FUCA2: variants seen among roughly 807,000 people sequenced by gnomAD.
The protein encoded by FUCA2 is alpha-L-fucosidase 2, also known as plasma alpha-L-fucosidase.
Under a neutral mutation model 52.6 loss-of-function variants are expected in FUCA2, and 41 were observed. The observed-to-expected ratio is 0.78, with a 90% CI of 0.61 to 1.01. The LOEUF is 1.01. Among genes scored for constraint, FUCA2 ranks in the 50% least tolerant of loss-of-function variants. The probability of loss-of-function intolerance (pLI) is 0.00; values close to 1 mark genes in which losing one functional copy is unlikely to be tolerated. For synonymous variants in FUCA2, 211 were observed against 217.3 expected (o/e 0.97, Z 0.26); for missense variants, 507 against 569.5 (o/e 0.89, Z 1.12).
chr6:143,497,469 C>CTAAT lies in FUCA2; in HGVS notation c.1179_1182dup (p.Val395IlefsTer8). The stretch of plus-strand genomic sequence containing the variant: ...GGCCATTTAAGAAAAATGGCATAGA[C>CTAAT]TAATTTTTCTTTAGGCTTGGATGTG... On this transcript the variant is annotated frameshift_variant, in exon 6 of 7. Coordinates refer to ENST00000002165, the MANE Select transcript of FUCA2 (RefSeq NM_032020.5). LOFTEE classifies it high-confidence loss of function. This position sits in a 1 kb window ranked among gnomAD's most constrained non-coding sequence, Gnocchi z 5.3. 1 of 1,612,932 alleles carries CTAAT rather than the reference C, an allele frequency of 6.2e-7. No homozygotes were observed. Among genetic ancestry groups the CTAAT allele is most frequent in the South Asian group, 1.1e-5 (1 of 91,012 alleles).
chr6:143,499,003 T>G lies in FUCA2; in HGVS notation c.1155-1506A>C, dbSNP rs1348358988. 5.3e-5 allele frequency among the ~76,000 whole-genome samples: 8 copies of G among 152,192 alleles called. No individual in the cohort carries two copies. Among genetic ancestry groups the G allele is most frequent in the Non-Finnish European group, 1.2e-4 (8 of 68,030 alleles). On this transcript the variant is annotated intron_variant, in intron 5 of 6. Transcript: ENST00000002165. The surrounding 1 kb of genome is among the most constrained non-coding windows in gnomAD (Gnocchi z 6.0). ...GGGGAAACTAAGGGCTTCAAGGTTT[T>G]GGGCTTGACAACCACCTAAAGGATG...
At position 143,505,795 on chromosome 6, in the gene FUCA2, G is replaced by A. The variant is rs543836445; in HGVS notation, c.412+1442C>T. ...CTTCATTTGAATATCACCACCATAA[G>A]CTTACACTGCGACGTTCCTTCCTGA... is the stretch of plus-strand genomic sequence containing the variant. On this transcript the variant is annotated intron_variant, in intron 2 of 6. Coordinates refer to ENST00000002165, the MANE Select transcript of FUCA2 (RefSeq NM_032020.5). 2.0e-5 allele frequency: 3 copies of A among 152,216 alleles called. No homozygotes were observed. In the East Asian group the frequency reaches 5.8e-4, roughly 29 times the overall value. The allele number at this position is 152,216 out of a possible 1,614,324, so 9.4% of individuals were successfully genotyped here.
Position 143,499,330 on chromosome 6 carries a change from G to A in FUCA2, c.1155-1833C>T, listed in dbSNP as rs1385049449. On this transcript the variant is annotated intron_variant, in intron 5 of 6. Transcript: ENST00000002165. The surrounding 1 kb of genome is among the most constrained non-coding windows in gnomAD (Gnocchi z 6.0). ...CACTTTGGGAGGCCAAGGCAAGCGGGTCACCTGAGGTCAGGAGTTCGAGAC... is the reference window on the plus strand; with the variant it reads ...CACTTTGGGAGGCCAAGGCAAGCGGATCACCTGAGGTCAGGAGTTCGAGAC... Among the ~76,000 whole-genome samples the A allele has an allele frequency of 6.6e-6, 1 of 152,092 alleles. No individual in the cohort carries two copies. The highest frequency in any genetic ancestry group is 1.5e-5 in the Non-Finnish European group (1 of 67,990).
rs1168502621 is a variant in FUCA2 at position 143,510,361 on chromosome 6, G to C, written c.224+1050C>G. On this transcript the variant is annotated intron_variant, in intron 1 of 6. Transcript: ENST00000002165. The surrounding 1 kb of genome is among the most constrained non-coding windows in gnomAD (Gnocchi z 4.4). ...TTAATGATTCCGTTCTTTTACTTAA[G>C]AATATATTATGTGTCCCAAAGTCCT... Among the ~76,000 whole-genome samples, 1 of 152,060 alleles carries C rather than the reference G, an allele frequency of 6.6e-6. No individual in the cohort carries two copies. The highest frequency in any genetic ancestry group is 1.5e-5 in the Non-Finnish European group (1 of 68,022).
In FUCA2 at chr6:143,504,113, A is replaced by C. The variant is rs115927487; in HGVS notation, c.552T>G (p.Phe184Leu). The C allele has an allele frequency of 2.5e-6, 4 of 1,614,146 alleles. No homozygotes were observed. In the East Asian group the frequency reaches 8.9e-5, roughly 36 times the overall value. The part of the protein sequence containing the change: ...DLRFGLYYSL[F>L]EWFHPLFLED... ...CAAGGAAGAGCGGATGAAACCATTC[A>C]AAAAGGGAATAGTACAGTCCAAAAC... The change falls in exon 3 of 7, where the codon TTT becomes TTG. Residue 184 changes from phenylalanine (F) to leucine (L), a missense_variant. Physicochemically the swap from Phe to Leu is conservative, Grantham distance 22. Transcript: ENST00000002165. The surrounding 1 kb of genome is among the most constrained non-coding windows in gnomAD (Gnocchi z 4.4).
Position 143,503,790 on chromosome 6 carries a change from G to T in FUCA2, c.752+123C>A. 1 of 702,324 alleles carries T rather than the reference G, an allele frequency of 1.4e-6. No individual in the cohort carries two copies. The allele number at this position is 702,324 out of a possible 1,614,324, so 43.5% of individuals were successfully genotyped here. On this transcript the variant is annotated intron_variant, in intron 3 of 6. Coordinates refer to ENST00000002165, the MANE Select transcript of FUCA2 (RefSeq NM_032020.5). The surrounding 1 kb of genome is among the most constrained non-coding windows in gnomAD (Gnocchi z 4.8). The stretch of plus-strand genomic sequence containing the variant: ...ATATCTAATAAGTATTATTTACAAT[G>T]ATTTTCTCCCCCCATACCACCAATG...
Position 143,507,012 on chromosome 6 carries a change from G to A in FUCA2, c.412+225C>T, listed in dbSNP as rs1780617327. On this transcript the variant is annotated intron_variant, in intron 2 of 6. Coordinates refer to ENST00000002165, the MANE Select transcript of FUCA2 (RefSeq NM_032020.5). The surrounding 1 kb of genome is among the most constrained non-coding windows in gnomAD (Gnocchi z 4.5). The stretch of plus-strand genomic sequence containing the variant: ...TTGTTCAAAATACATGTGACAAAAC[G>A]TGACCATCTTTCCTCTGTTACGTGG... 10 of 479,840 alleles carry A rather than the reference G, an allele frequency of 2.1e-5. No individual in the cohort carries two copies. Among genetic ancestry groups the A allele is most frequent in the Non-Finnish European group, 2.2e-5 (6 of 276,818 alleles). The allele number at this position is 479,840 out of a possible 1,614,324, so 29.7% of individuals were successfully genotyped here.
chr6:143,502,451 A>G lies in FUCA2; in HGVS notation c.867T>C (p.His289=), dbSNP rs766633320. 50 of 1,614,110 alleles carry G rather than the reference A, an allele frequency of 3.1e-5. No individual in the cohort carries two copies. Among genetic ancestry groups the G allele is most frequent in the Non-Finnish European group, 4.1e-5 (48 of 1,179,972 alleles). The change falls in exon 4 of 7, where the codon CAT becomes CAC. Residue 289 remains histidine (H), a synonymous_variant. Transcript: ENST00000002165. This position sits in a 1 kb window ranked among gnomAD's most constrained non-coding sequence, Gnocchi z 4.1. ...DRYNPGHLLP[H]KWENCMTIDK... Reference sequence around the variant, plus strand: ...CTATTGTCATGCAGTTTTCCCATTTATGTGGCAAAAGATGTCCTGGGTTAT... The same window carrying G: ...CTATTGTCATGCAGTTTTCCCATTTGTGTGGCAAAAGATGTCCTGGGTTAT...
chr6:143,496,386 T>C (rs1033724452), intron 6 of FUCA2: 1 of 152,266 alleles, frequency 6.6e-6, no homozygotes, highest in African/African-American at 2.4e-5. Context: ...ACAAAGCCCA[T>C]GAGCTTTTAA....
chr6:143,510,704 T>C lies in FUCA2; in HGVS notation c.224+707A>G, dbSNP rs991124794. 6.6e-5 allele frequency among the ~76,000 whole-genome samples: 10 copies of C among 152,000 alleles called. No homozygotes were observed. Among genetic ancestry groups the C allele is most frequent in the Non-Finnish European group, 1.3e-4 (9 of 68,022 alleles). On this transcript the variant is annotated intron_variant, in intron 1 of 6. Coordinates refer to ENST00000002165, the MANE Select transcript of FUCA2 (RefSeq NM_032020.5). The surrounding 1 kb of genome is among the most constrained non-coding windows in gnomAD (Gnocchi z 4.4). ...TATATGCACACAAAATATTTCTGTT[T>C]TGAAGGACTTAATACTTGTAGCATT... is the stretch of plus-strand genomic sequence containing the variant.
rs952961016 is a variant in FUCA2 at position 143,510,444 on chromosome 6, T to C, written c.224+967A>G. 3.3e-4 allele frequency among the ~76,000 whole-genome samples: 50 copies of C among 152,242 alleles called. No individual in the cohort carries two copies. Among genetic ancestry groups the C allele is most frequent in the African/African-American group, 1.2e-3 (48 of 41,550 alleles). On this transcript the variant is annotated intron_variant, in intron 1 of 6. Coordinates refer to ENST00000002165, the MANE Select transcript of FUCA2 (RefSeq NM_032020.5). The surrounding 1 kb of genome is among the most constrained non-coding windows in gnomAD (Gnocchi z 4.4). Reference sequence around the variant, plus strand: ...TGAGGTCAGGAGTTCAAGACCAGCCTGGCTAACATGGCAAAACCCCGTTTC... The same window carrying C: ...TGAGGTCAGGAGTTCAAGACCAGCCCGGCTAACATGGCAAAACCCCGTTTC...
At chr6:143,498,170 C>CAA (rs5880564) in intron 5 of FUCA2, among the ~76,000 whole-genome samples, 109 of 148,304 alleles carry the variant, frequency 7.3e-4, no homozygotes, top group Admixed American at 1.5e-3. Context: ...ATGCTGTGGA[C>CAA]AAAAAAAAAA....
At chr6:143,496,010 T>C (rs1158237307) in intron 6 of FUCA2, among the ~76,000 whole-genome samples, 163 bp from the exon 7 acceptor site, 1 of 152,198 alleles carries the variant, frequency 6.6e-6, no homozygotes, top group South Asian at 2.1e-4. Context: ...CAATTGAGTG[T>C]ATGTATCTTG....
rs10484801 is a variant in FUCA2, at chr6:143,510,734, C to T, written c.224+677G>A. On this transcript the variant is annotated intron_variant, in intron 1 of 6. Coordinates refer to ENST00000002165, the MANE Select transcript of FUCA2 (RefSeq NM_032020.5). This position sits in a 1 kb window ranked among gnomAD's most constrained non-coding sequence, Gnocchi z 4.4. ...GGACTTAATACTTGTAGCATTTAGT[C>T]AGAAAAGACATGTGCAACAGTTTAA... Among the ~76,000 whole-genome samples, 6,002 of 151,970 alleles carry T rather than the reference C, an allele frequency of 0.039. 390 individuals carry two copies. The highest frequency in any genetic ancestry group is 0.14 in the African/African-American group (5,603 of 41,422).
intron 2 of FUCA2, chr6:143,506,187 T>G: frequency 7.1e-6 from 1 of 141,000 alleles, no homozygotes; most frequent in East Asian, 2.1e-4. Flanking sequence ...AAGGCAAAGT[T>G]TCCCGTTTTT....
At position 143,504,278 on chromosome 6, in the gene FUCA2, G is replaced by A. The variant is rs80251319; in HGVS notation, c.413-26C>T. On this transcript the variant is annotated intron_variant, in intron 2 of 6. Coordinates refer to ENST00000002165, the MANE Select transcript of FUCA2 (RefSeq NM_032020.5). The surrounding 1 kb of genome is among the most constrained non-coding windows in gnomAD (Gnocchi z 4.4). ...CTAGAAAATTATAGTGAAAACCCTTGTAAGCATGTCAACTTTATTTTAGTA... is the reference window on the plus strand; with the variant it reads ...CTAGAAAATTATAGTGAAAACCCTTATAAGCATGTCAACTTTATTTTAGTA... The A allele has an allele frequency of 2.6e-6, 4 of 1,567,690 alleles. No individual in the cohort carries two copies. The highest frequency in any genetic ancestry group is 1.2e-5 in the South Asian group (1 of 85,292).
rs1780524365 is a variant in FUCA2 at position 143,501,319 on chromosome 6, C to A, written c.1154+613G>T. On this transcript the variant is annotated intron_variant, in intron 5 of 6. Coordinates refer to ENST00000002165, the MANE Select transcript of FUCA2 (RefSeq NM_032020.5). This position sits in a 1 kb window ranked among gnomAD's most constrained non-coding sequence, Gnocchi z 6.1. Reference sequence around the variant, plus strand: ...GGTTCCTATTTGATCAGACAGTACTCAGGTGGCAACTGAAAGCGAATTTTT... The same window carrying A: ...GGTTCCTATTTGATCAGACAGTACTAAGGTGGCAACTGAAAGCGAATTTTT... Among the ~76,000 whole-genome samples, 4 of 152,314 alleles carry A rather than the reference C, an allele frequency of 2.6e-5. No individual in the cohort carries two copies. In the South Asian group the frequency reaches 8.3e-4, roughly 32 times the overall value.
Position 143,504,110 on chromosome 6 carries a change from T to A in FUCA2, c.555A>T (p.Glu185Asp). Residue 185 changes from glutamate (E) to aspartate (D), a missense_variant, in exon 3 of 7, where the codon GAA becomes GAT. By Grantham distance (45) the Glu-to-Asp change is conservative. Transcript: ENST00000002165. The surrounding 1 kb of genome is among the most constrained non-coding windows in gnomAD (Gnocchi z 4.4). Reference protein sequence around the residue: ...LRFGLYYSLFEWFHPLFLEDE... With the variant: ...LRFGLYYSLFDWFHPLFLEDE... ...CCTCAAGGAAGAGCGGATGAAACCATTCAAAAAGGGAATAGTACAGTCCAA... is the reference window on the plus strand; with the variant it reads ...CCTCAAGGAAGAGCGGATGAAACCAATCAAAAAGGGAATAGTACAGTCCAA... 6.2e-7 allele frequency: 1 copy of A among 1,614,052 alleles called. No individual in the cohort carries two copies. Among genetic ancestry groups the A allele is most frequent in the Non-Finnish European group, 8.5e-7 (1 of 1,179,998 alleles).
Position 143,502,612 on chromosome 6 carries a change from T to C in FUCA2, c.753-47A>G. 2 of 1,473,750 alleles carry C rather than the reference T, an allele frequency of 1.4e-6. No individual in the cohort carries two copies. The highest frequency in any genetic ancestry group is 1.9e-6 in the Non-Finnish European group (2 of 1,070,004). The allele number at this position is 1,473,750 out of a possible 1,614,324, so 91.3% of individuals were successfully genotyped here. On this transcript the variant is annotated intron_variant, in intron 3 of 6. Transcript: ENST00000002165. This position sits in a 1 kb window ranked among gnomAD's most constrained non-coding sequence, Gnocchi z 4.1. ...TTTAAAACAAAAGGTATAAGCTTTT[T>C]ATACAAAAAGAAATGTCACTGAAAA... is the stretch of plus-strand genomic sequence containing the variant.
Sources: allele counts gnomAD v4.1 joint callset (sites outside exome capture counted in the v4.1 genomes callset), GRCh38; gene constraint gnomAD v4.1.1; non-coding constraint Gnocchi (gnomAD v3.1); transcripts MANE v1.5; gene names NCBI Gene and HGNC (gene_info 2026-07-23, HGNC 2026-07-21).